The following ANO2 variants were observed in gnomAD, a reference collection of about 807,000 sequenced individuals.
ANO2 encodes the protein anoctamin 2.
A neutral mutation model predicts 124.2 loss-of-function variants in ANO2; 101 were observed. That is an observed-to-expected ratio of 0.81 (90% CI 0.69 to 0.96). The LOEUF (loss-of-function observed/expected upper bound fraction) is 0.96. Ranked by LOEUF, ANO2 falls within the 40% of genes least tolerant of loss-of-function variation. The probability of loss-of-function intolerance (pLI) is 0.00; values close to 1 mark genes in which losing one functional copy is unlikely to be tolerated. For missense variants in ANO2, 1,293 were observed against 1,274.5 expected (o/e 1.01, Z -0.22); for synonymous variants, 486 against 482.5 (o/e 1.01, Z -0.09).
intron 20 of ANO2, among the ~76,000 whole-genome samples, chr12:5,590,098 C>T (rs2136866587): frequency 6.6e-6 from 1 of 152,204 alleles, no homozygotes; most frequent in Middle Eastern, 3.4e-3. Flanking sequence ...CAGCAGATTC[C>T]TAAGATACCC....
At chr12:5,937,477 C>A (rs1942699232) in intron 1 of ANO2, among the ~76,000 whole-genome samples, 1 of 152,162 alleles carries the variant, frequency 6.6e-6, no homozygotes, top group Non-Finnish European at 1.5e-5. Context: ...ATCTGATACA[C>A]AGTTGCCAAA....
chr12:5,860,748 G>A (rs568116412), intron 3 of ANO2, among the ~76,000 whole-genome samples: 18 of 152,270 alleles, frequency 1.2e-4, no homozygotes, highest in Admixed American at 5.9e-4. Flanking sequence ...CCTGTTGGTA[G>A]CCCCAGATGC....
At chr12:5,797,185 C>G (rs1663672822) in intron 10 of ANO2, among the ~76,000 whole-genome samples, 1 of 152,170 alleles carries the variant, frequency 6.6e-6, no homozygotes, top group African/African-American at 2.4e-5. Context: ...TGGTGTGGGG[C>G]CTGTGATGGC....
chr12:5,914,276 G>A (rs1941248512), intron 3 of ANO2, among the ~76,000 whole-genome samples: 1 of 152,116 alleles, frequency 6.6e-6, no homozygotes, highest in Non-Finnish European at 1.5e-5. Context: ...GGGCCTCCCT[G>A]GGAGGGCACG....
chr12:5,602,570 A>T (rs1285808697), intron 19 of ANO2, among the ~76,000 whole-genome samples: 1 of 152,080 alleles, frequency 6.6e-6, no homozygotes, highest in African/African-American at 2.4e-5. Context: ...TCCAACACTT[A>T]ATCAGAAAGA....
intron 1 of ANO2, among the ~76,000 whole-genome samples, chr12:5,928,247 G>C (rs954869377): frequency 6.6e-6 from 1 of 152,084 alleles, no homozygotes; most frequent in African/African-American, 2.4e-5. Context: ...CCTAACTCCT[G>C]GTGGCTGAAG....
chr12:5,635,256 T>C lies in ANO2; in HGVS notation c.1712A>G (p.Asn571Ser), dbSNP rs755132323. ...ALSLNKATRSNVRVTVTATAV... is the reference protein window; with the variant it reads ...ALSLNKATRSSVRVTVTATAV... ...TGTTGCTGTCACTGTCACCCGGACATTGGAGCGTGTAGCCTTATTGAGAGA... is the reference window on the plus strand; with the variant it reads ...TGTTGCTGTCACTGTCACCCGGACACTGGAGCGTGTAGCCTTATTGAGAGA... The change falls in exon 16 of 25, where the codon AAT becomes AGT. Residue 571 changes from asparagine (N) to serine (S), a missense_variant. By Grantham distance (46) the Asn-to-Ser change is conservative. Transcript: ENST00000682330. This position sits in a 1 kb window ranked among gnomAD's most constrained non-coding sequence, Gnocchi z 5.2. 6.2e-7 allele frequency: 1 copy of C among 1,613,210 alleles called. No individual in the cohort carries two copies.
chr12:5,587,583 G>C (rs1009438505), intron 20 of ANO2, among the ~76,000 whole-genome samples: 3 of 152,190 alleles, frequency 2.0e-5, no homozygotes, highest in African/African-American at 7.2e-5. Context: ...GATGATTAAT[G>C]TCATGGCCAT....
At chr12:5,918,095 T>C (rs1293528190) in intron 3 of ANO2, among the ~76,000 whole-genome samples, 5 of 149,388 alleles carry the variant, frequency 3.3e-5, no homozygotes, top group Non-Finnish European at 7.5e-5. Context: ...AGCTCCCACA[T>C]TGGTAAGTTC....
At chr12:5,763,881 G>T (rs555938678) in intron 10 of ANO2, among the ~76,000 whole-genome samples, 1 of 152,012 alleles carries the variant, frequency 6.6e-6, no homozygotes. Flanking sequence ...ACTAAAAACT[G>T]GTTGTTTGAA....
intron 17 of ANO2, among the ~76,000 whole-genome samples, chr12:5,614,276 T>C (rs552144334): frequency 2.3e-3 from 343 of 152,158 alleles, no homozygotes; most frequent in African/African-American, 8.0e-3. Context: ...TCCATAGGAG[T>C]ATCTTTGTTA....
chr12:5,660,471 C>G (rs1040721698), intron 14 of ANO2, among the ~76,000 whole-genome samples: 1 of 150,690 alleles, frequency 6.6e-6, no homozygotes, highest in Non-Finnish European at 1.5e-5. Flanking sequence ...TAGCATGACT[C>G]CTCTCCTCAC....
rs773278082 is a variant in ANO2, at chr12:5,921,245, C to T, written c.329G>A (p.Arg110His). ...DYVLAYHYRK[R>H]GVHLAQGFPG... ...GAAGCCTTGGGCCAGGTGCACCCCG[C>T]GTTTCCGGTAGTGGTAGGCAAGTAC... Residue 110 changes from arginine to histidine, a missense_variant, in exon 3 of 25, where the codon CGC becomes CAC. Coordinates refer to ENST00000682330, the MANE Select transcript of ANO2 (RefSeq NM_001364791.2). The T allele has an allele frequency of 3.2e-5, 51 of 1,613,978 alleles. No individual in the cohort carries two copies. The highest frequency in any genetic ancestry group is 1.6e-4 in the Middle Eastern group (1 of 6,062).
In ANO2 at chr12:5,787,851, C is replaced by T. The variant is rs1243978673; in HGVS notation, c.1055+11656G>A. 6.6e-6 allele frequency among the ~76,000 whole-genome samples: 1 copy of T among 152,148 alleles called. No individual in the cohort carries two copies. The highest frequency in any genetic ancestry group is 1.5e-5 in the Non-Finnish European group (1 of 68,032). On this transcript the variant is annotated intron_variant, in intron 10 of 24. Transcript: ENST00000682330. This position sits in a 1 kb window ranked among gnomAD's most constrained non-coding sequence, Gnocchi z 4.2. ...CTTCCGGTTAACTATGCACTGTCTC[C>T]CCTGCTAGGTCATAAGCTCTGTGAG...
chr12:5,584,059 C>T (rs879141623), intron 20 of ANO2: 1 of 259,180 alleles, frequency 3.9e-6, no homozygotes, highest in South Asian at 5.4e-5. Flanking sequence ...GACTATTTCC[C>T]GATTGTGATT....
chr12:5,872,529 G>T (rs1428137868), intron 3 of ANO2, among the ~76,000 whole-genome samples: 8 of 152,060 alleles, frequency 5.3e-5, no homozygotes, highest in Non-Finnish European at 1.0e-4. Context: ...GGAGGTCTAG[G>T]GGCCTTTCTG....
chr12:5,889,126 C>T (rs559248902), intron 3 of ANO2, among the ~76,000 whole-genome samples: 5 of 152,194 alleles, frequency 3.3e-5, no homozygotes, highest in Admixed American at 6.5e-5. Context: ...GCCGGCGGGC[C>T]GGCTGGTTGC....
chr12:5,888,676 G>A (rs1939154397), intron 3 of ANO2, among the ~76,000 whole-genome samples: 1 of 152,252 alleles, frequency 6.6e-6, no homozygotes. Context: ...GTGCCGACTG[G>A]TGCATTCACA....
At chr12:5,798,993 T>C (rs1952956010) in intron 10 of ANO2, among the ~76,000 whole-genome samples, 1 of 152,208 alleles carries the variant, frequency 6.6e-6, no homozygotes, top group Non-Finnish European at 1.5e-5. Context: ...CATCATTCTG[T>C]GACAACACAG....
Sources: gnomAD v4.1 joint callset for allele counts (sites outside exome capture counted in the v4.1 genomes callset) on GRCh38, gnomAD v4.1.1 for gene constraint, Gnocchi (gnomAD v3.1) non-coding constraint, MANE v1.5 for transcripts, NCBI Gene and HGNC (gene_info 2026-07-23, HGNC 2026-07-21) for gene names.